Variants in PCDH15 observed in about 807,000 individuals in gnomAD.
PCDH15 encodes the protein protocadherin related 15, also known as protocadherin-15.
In PCDH15, 129 loss-of-function variants were observed where a neutral mutation model predicts 178.5. The observed-to-expected ratio is 0.72, with a 90% confidence interval of 0.63 to 0.84. The LOEUF (loss-of-function observed/expected upper bound fraction) is 0.84. PCDH15 is among the 40% of genes least tolerant of loss of function. The pLI, the probability that PCDH15 is intolerant of heterozygous loss-of-function variation, is 0.00. For missense variants in PCDH15, 2,230 were observed against 2,099.9 expected (o/e 1.06, Z -1.21); for synonymous variants, 800 against 732.0 (o/e 1.09, Z -1.50).
intron 8 of PCDH15, among the ~76,000 whole-genome samples, chr10:54,295,972 G>A (rs1375960971): frequency 3.3e-5 from 5 of 150,156 alleles, no homozygotes; most frequent in Admixed American, 2.0e-4. Context: ...GTGAAACCCC[G>A]TCTCTACTAA....
rs549980316 is a variant in PCDH15 at position 54,776,605 on chromosome 10, A to G, written c.-29+24320T>C. ...AAAAGAACATATTTAAGTGGAGGCC[A>G]TTCATGATATAAGATACCATGGAAA... is the stretch of plus-strand genomic sequence containing the variant. On this transcript the variant is annotated intron_variant, in intron 1 of 37. Transcript: ENST00000644397. Among the ~76,000 whole-genome samples, 83 of 152,210 alleles carry G rather than the reference A, an allele frequency of 5.5e-4. 1 individual carries two copies. Among genetic ancestry groups the G allele is most frequent in the Non-Finnish European group, 9.0e-4 (61 of 68,040 alleles).
intron 2 of PCDH15, among the ~76,000 whole-genome samples, chr10:55,397,696 C>T (rs537842623): frequency 1.5e-3 from 235 of 152,246 alleles, no homozygotes; most frequent in Non-Finnish European, 2.5e-3. Flanking sequence ...AGCAATTCTC[C>T]TGCCTCAGCC....
intron 18 of PCDH15, among the ~76,000 whole-genome samples, chr10:54,028,833 A>T (rs568600043): frequency 1.3e-5 from 2 of 149,754 alleles, no homozygotes; most frequent in South Asian, 4.4e-4. Flanking sequence ...GATATACCTA[A>T]TGCTAGATGA....
At chr10:53,824,947 G>A (rs576208134) in intron 32 of PCDH15, among the ~76,000 whole-genome samples, 17 of 151,842 alleles carry the variant, frequency 1.1e-4, no homozygotes, top group South Asian at 2.1e-4. Context: ...CCATCACAGC[G>A]AACACATGTT....
chr10:54,040,478 C>T (rs1205486253), intron 18 of PCDH15, among the ~76,000 whole-genome samples: 1 of 151,944 alleles, frequency 6.6e-6, no homozygotes, highest in Non-Finnish European at 1.5e-5. Flanking sequence ...GTTCAATAAA[C>T]CTATTTTTTC....
intron 8 of PCDH15, among the ~76,000 whole-genome samples, chr10:54,256,775 T>C (rs886526028): frequency 2.7e-4 from 41 of 152,258 alleles, no homozygotes; most frequent in African/African-American, 9.6e-4. Context: ...GCCTTCCATT[T>C]ATATCTCACA....
At chr10:55,126,218 G>C (rs1462581699) in intron 2 of PCDH15, among the ~76,000 whole-genome samples, 1 of 151,712 alleles carries the variant, frequency 6.6e-6, no homozygotes, top group South Asian at 2.1e-4. Flanking sequence ...CTTCCCTTTT[G>C]TTATCCCACC....
intron 2 of PCDH15, among the ~76,000 whole-genome samples, chr10:55,143,464 G>A (rs1387795507): frequency 6.6e-6 from 1 of 152,060 alleles, no homozygotes; most frequent in Non-Finnish European, 1.5e-5. Flanking sequence ...CACTCAAACT[G>A]TATCATGACA....
intron 6 of PCDH15, among the ~76,000 whole-genome samples, chr10:54,342,159 C>G (rs1942354803): frequency 6.6e-6 from 1 of 152,116 alleles, no homozygotes; most frequent in Non-Finnish European, 1.5e-5. Context: ...TATTAATAGC[C>G]AAGACAATGG....
chr10:55,444,515 A>G (rs1347395322), intron 2 of PCDH15, among the ~76,000 whole-genome samples: 1 of 152,102 alleles, frequency 6.6e-6, no homozygotes, highest in Non-Finnish European at 1.5e-5. Flanking sequence ...TGATACAAAT[A>G]TCATAGTAAA....
intron 2 of PCDH15, among the ~76,000 whole-genome samples, chr10:54,999,182 C>T (rs936655735): frequency 1.3e-5 from 2 of 152,068 alleles, no homozygotes; most frequent in East Asian, 1.9e-4. Flanking sequence ...CCCTAAGTTA[C>T]CTTTGTCAAG....
At position 53,806,818 on chromosome 10, in the gene PCDH15, CAG is replaced by C; in HGVS notation, c.4982_4983del (p.Thr1661ArgfsTer20). ...AGAGTTGGTCTTGCATTCATTTTTT[CAG>C]TAGAAAATGGCCCCTTTGATAATGT... ...LNTLSKGPFS[T>X]EKMNARPTLV... On this transcript the variant is annotated frameshift_variant, in exon 38 of 38. Transcript: ENST00000644397. LOFTEE classifies it high-confidence loss of function. The C allele has an allele frequency of 6.2e-7, 1 of 1,613,870 alleles. No homozygotes were observed. Among genetic ancestry groups the C allele is most frequent in the Non-Finnish European group, 8.5e-7 (1 of 1,179,824 alleles).
At chr10:54,395,010 G>A (rs1951023971) in intron 3 of PCDH15, among the ~76,000 whole-genome samples, 1 of 151,934 alleles carries the variant, frequency 6.6e-6, no homozygotes, top group Non-Finnish European at 1.5e-5. Context: ...CTTTTTTCGA[G>A]GTGCCCACAT....
At chr10:55,535,188 AAAAAT>A (rs991455662) in intron 2 of PCDH15, among the ~76,000 whole-genome samples, 11 of 152,138 alleles carry the variant, frequency 7.2e-5, no homozygotes, top group Admixed American at 3.9e-4. Context: ...TAATTTTGAA[AAAAAT>A]AAAATAAAAA....
intron 2 of PCDH15, among the ~76,000 whole-genome samples, chr10:55,553,240 T>G (rs1173163207): frequency 6.6e-6 from 1 of 151,402 alleles, no homozygotes; most frequent in Non-Finnish European, 1.5e-5. Context: ...TCCAAATTCA[T>G]GTTATTTTGT....
intron 18 of PCDH15, among the ~76,000 whole-genome samples, chr10:54,027,652 C>A (rs2093150229): frequency 6.7e-6 from 1 of 148,788 alleles, no homozygotes; most frequent in Non-Finnish European, 1.5e-5. Context: ...CTACAACTAT[C>A]TGATCTTTGA....
At chr10:53,894,000 A>G (rs1243945469) in intron 26 of PCDH15, among the ~76,000 whole-genome samples, 1 of 152,138 alleles carries the variant, frequency 6.6e-6, no homozygotes, top group Non-Finnish European at 1.5e-5. Context: ...TATATGGGTA[A>G]ACTTGTGTCA....
intron 5 of PCDH15, among the ~76,000 whole-genome samples, chr10:54,365,047 C>T (rs1279263393): frequency 6.6e-6 from 1 of 152,110 alleles, no homozygotes; most frequent in Non-Finnish European, 1.5e-5. Flanking sequence ...CTCTCTCTGA[C>T]TCTAGCCAGA....
intron 2 of PCDH15, among the ~76,000 whole-genome samples, chr10:55,487,372 AT>A (rs1267218778): frequency 2.0e-5 from 3 of 151,498 alleles, no homozygotes; most frequent in Non-Finnish European, 4.4e-5. Context: ...TACAGTCACC[AT>A]TTTTCTTTCT....
Sources: gnomAD v4.1 joint callset for allele counts (sites outside exome capture counted in the v4.1 genomes callset) on GRCh38, gnomAD v4.1.1 for gene constraint, MANE v1.5 for transcripts, NCBI Gene and HGNC (gene_info 2026-07-23, HGNC 2026-07-21) for gene names.